The following CD36 variants were observed in gnomAD, a reference collection of about 807,000 sequenced individuals.
CD36 encodes platelet glycoprotein 4.
A neutral mutation model predicts 55.2 loss-of-function variants in CD36; 119 were observed. The observed-to-expected ratio is 2.15, with a 90% CI of 1.86 to 2.51. The LOEUF is 2.51. Ranked by LOEUF, CD36 falls within the 30% of genes most tolerant of loss-of-function variation. The probability of loss-of-function intolerance (pLI) is 0.00; values close to 1 mark genes in which losing one functional copy is unlikely to be tolerated. For synonymous variants in CD36, 186 were observed against 193.6 expected, an observed-to-expected ratio of 0.96 and a Z score of 0.33; for missense variants, 819 against 555.5, an observed-to-expected ratio of 1.47 and a Z score of -4.77.
At chr7:80,675,864 A>G (rs1798143221) in intron 14 of CD36, among the ~76,000 whole-genome samples, 1 of 152,144 alleles carries the variant, frequency 6.6e-6, no homozygotes, top group Non-Finnish European at 1.5e-5. Flanking sequence ...AAAGTAGTAC[A>G]TACACCTTTA....
At chr7:80,659,756 C>A (rs1361607846) in intron 4 of CD36, among the ~76,000 whole-genome samples, 3 of 152,104 alleles carry the variant, frequency 2.0e-5, no homozygotes, top group Admixed American at 2.0e-4. Flanking sequence ...AATTGAAGTA[C>A]TTTGATTTGA....
intron 1 of CD36, among the ~76,000 whole-genome samples, chr7:80,605,620 G>A (rs1296465006): frequency 1.3e-5 from 2 of 152,128 alleles, no homozygotes; most frequent in African/African-American, 4.8e-5. Flanking sequence ...AAAATGCTAA[G>A]TAACTTCACA....
chr7:80,668,929 G>T (rs1252631699), intron 8 of CD36, among the ~76,000 whole-genome samples: 3 of 152,172 alleles, frequency 2.0e-5, no homozygotes, highest in African/African-American at 7.2e-5. Context: ...TCCAATGTTT[G>T]CCATGGATCA....
intron 3 of CD36, chr7:80,647,088 A>G: frequency 2.1e-6 from 1 of 466,134 alleles, no homozygotes. Flanking sequence ...TATAAATACC[A>G]AATTCTATTA....
At chr7:80,666,137 T>G in intron 7 of CD36, 1 of 327,988 alleles carries the variant, frequency 3.0e-6, no homozygotes, top group South Asian at 3.2e-5. Flanking sequence ...AAAAAAAAAA[T>G]TTCCCCTAAG....
chr7:80,651,208 G>T (rs1050049369), intron 3 of CD36, among the ~76,000 whole-genome samples: 4 of 152,014 alleles, frequency 2.6e-5, no homozygotes, highest in African/African-American at 9.7e-5. Flanking sequence ...ATATAAAGAA[G>T]GGAACAATAG....
chr7:80,671,576 G>A (rs1797676155), intron 10 of CD36, among the ~76,000 whole-genome samples: 2 of 152,028 alleles, frequency 1.3e-5, no homozygotes, highest in South Asian at 4.1e-4. Context: ...ACAGGTAAAT[G>A]TATTTTCAGT....
intron 1 of CD36, among the ~76,000 whole-genome samples, chr7:80,641,640 A>G (rs1382079430): frequency 6.6e-6 from 1 of 152,068 alleles, no homozygotes; most frequent in East Asian, 1.9e-4. Flanking sequence ...TGGTACAAGT[A>G]CCCTGGAAAT....
chr7:80,623,666 C>G (rs1270271362), intron 1 of CD36, among the ~76,000 whole-genome samples: 1 of 152,170 alleles, frequency 6.6e-6, no homozygotes, highest in African/African-American at 2.4e-5. Context: ...CAAGGTTGCC[C>G]TCATCTCCAG....
intron 1 of CD36, among the ~76,000 whole-genome samples, chr7:80,619,308 G>A (rs1793328486): frequency 6.6e-6 from 1 of 152,162 alleles, no homozygotes; most frequent in Non-Finnish European, 1.5e-5. Flanking sequence ...TGATGGGTAT[G>A]TCCAATAAAA....
intron 13 of CD36, 149 bp from the exon 14 acceptor site, chr7:80,673,834 A>C: frequency 1.5e-6 from 1 of 687,346 alleles, no homozygotes; most frequent in East Asian, 2.7e-5. Context: ...GCCTTTCTTG[A>C]CTTGCAAAAG....
At chr7:80,636,268 T>TTGACAGGTATTGTA (rs1169089749), upstream of CD36, among the ~76,000 whole-genome samples, 2 of 151,908 alleles carry the variant, frequency 1.3e-5, no homozygotes, top group Non-Finnish European at 1.5e-5. Context: ...TGTACACTAC[T>TTGACAGGTATTGTA]CATCTCTTAG....
intron 3 of CD36, among the ~76,000 whole-genome samples, chr7:80,650,905 C>A (rs3211835): frequency 2.7e-3 from 397 of 146,094 alleles, no homozygotes; most frequent in African/African-American, 9.1e-3. Flanking sequence ...TTGTGTGCAG[C>A]CAGCAAGTTT....
intron 7 of CD36, among the ~76,000 whole-genome samples, chr7:80,665,273 C>T (rs1409556722): frequency 6.6e-6 from 1 of 151,386 alleles, no homozygotes; most frequent in Non-Finnish European, 1.5e-5. Context: ...TAGGAAGAAC[C>T]CTAATAAATA....
intron 1 of CD36, among the ~76,000 whole-genome samples, chr7:80,643,021 A>G (rs1794918896): frequency 6.6e-6 from 1 of 152,178 alleles, no homozygotes; most frequent in Admixed American, 6.5e-5. Flanking sequence ...AGGCCTGTCC[A>G]TTGCTCAACA....
intron 5 of CD36, chr7:80,662,190 G>C (rs3211896): frequency 5.2e-5 from 8 of 152,422 alleles, no homozygotes; most frequent in African/African-American, 1.9e-4. Flanking sequence ...CTTGCTTATC[G>C]GAGGTGCATA....
chr7:80,602,584 C>CCT (rs1489230760), intron 1 of CD36, among the ~76,000 whole-genome samples: 1 of 152,072 alleles, frequency 6.6e-6, no homozygotes, highest in Non-Finnish European at 1.5e-5. Context: ...AACCCTTAAA[C>CCT]CTCACATATC....
chr7:80,636,605 A>G (rs1794423036), upstream of CD36, among the ~76,000 whole-genome samples: 1 of 151,936 alleles, frequency 6.6e-6, no homozygotes, highest in African/African-American at 2.4e-5. Flanking sequence ...ATATCCTGTC[A>G]TTCTAATAAA....
chr7:80,653,443 T>G (rs954846100), intron 3 of CD36, among the ~76,000 whole-genome samples: 4 of 152,170 alleles, frequency 2.6e-5, no homozygotes, highest in Non-Finnish European at 5.9e-5. Context: ...TGTTTTCAAA[T>G]TAATGTAGCA....
Sources: gnomAD v4.1 joint callset for allele counts (sites outside exome capture counted in the v4.1 genomes callset) on GRCh38, gnomAD v4.1.1 for gene constraint, MANE v1.5 for transcripts, NCBI Gene and HGNC (gene_info 2026-07-23, HGNC 2026-07-21) for gene names.